ASB4: variants seen among roughly 807,000 people sequenced by gnomAD.
ASB4 encodes ankyrin repeat and SOCS box containing 4, also known as ankyrin repeat and SOCS box protein 4.
Under a neutral mutation model 38.6 loss-of-function variants are expected in ASB4, and 35 were observed. The observed-to-expected ratio is 0.91, with a 90% CI of 0.69 to 1.20. The LOEUF is 1.20. ASB4 is among the 50% of genes most tolerant of loss of function. The pLI is 0.00. For synonymous variants in ASB4, 195 were observed against 201.3 expected, an observed-to-expected ratio of 0.97 and a Z score of 0.26; for missense variants, 557 against 527.2, an observed-to-expected ratio of 1.06 and a Z score of -0.55.
intron 3 of ASB4, among the ~76,000 whole-genome samples, chr7:95,531,781 C>T (rs1161297034): frequency 1.3e-5 from 2 of 152,174 alleles, no homozygotes; most frequent in East Asian, 3.9e-4. Context: ...TTCTCCTCCT[C>T]TCAACATGTG....
At chr7:95,524,139 G>T (rs891552260) in intron 2 of ASB4, among the ~76,000 whole-genome samples, 2 of 152,196 alleles carry the variant, frequency 1.3e-5, no homozygotes, top group Non-Finnish European at 2.9e-5. Flanking sequence ...TAGATGTAGA[G>T]CCCAGAGAAA....
intron 1 of ASB4, among the ~76,000 whole-genome samples, chr7:95,492,334 AT>A (rs1267789647): frequency 6.6e-6 from 1 of 152,234 alleles, no homozygotes; most frequent in Non-Finnish European, 1.5e-5. Flanking sequence ...ATGCATTTCC[AT>A]ATCAGAGATG....
the ASB4 span, among the ~76,000 whole-genome samples, chr7:95,547,724 C>G: frequency 6.6e-6 from 1 of 152,164 alleles, no homozygotes; most frequent in African/African-American, 2.4e-5. Flanking sequence ...TTGAGTAAAG[C>G]AGATCACTCT....
intron 3 of ASB4, among the ~76,000 whole-genome samples, chr7:95,532,534 G>C (rs1790833353): frequency 6.6e-6 from 1 of 152,138 alleles, no homozygotes; most frequent in Non-Finnish European, 1.5e-5. Context: ...AGGTAAGGAT[G>C]ATTTCTGCCA....
chr7:95,537,696 G>T lies in ASB4; in HGVS notation c.1218G>T (p.Leu406Phe). The T allele has an allele frequency of 6.2e-7, 1 of 1,613,864 alleles. No homozygotes were observed. The change falls in exon 5 of 5, where the codon TTG (leucine) becomes TTT (phenylalanine). Residue 406 changes from leucine to phenylalanine, a missense_variant. Leu to Phe is a conservative substitution (Grantham distance 22). Coordinates refer to ENST00000325885, the MANE Select transcript of ASB4 (RefSeq NM_016116.3). ...LHNRCHRAIP[L>F]LSLPLSLKKY... ...ACAGATGCCATAGAGCAATTCCTTT[G>T]CTTTCCCTCCCATTGTCATTGAAAA...
At chr7:95,541,423 A>G (rs1002164163), downstream of ASB4, among the ~76,000 whole-genome samples, 1 of 152,120 alleles carries the variant, frequency 6.6e-6, no homozygotes, top group Non-Finnish European at 1.5e-5. Flanking sequence ...ATATCCTTAG[A>G]GTGAATCTGT....
rs965812379 is a variant in ASB4, at chr7:95,509,174, T to C, written c.487+13117T>C. Among the ~76,000 whole-genome samples the C allele has an allele frequency of 3.3e-5, 5 of 152,118 alleles. No individual in the cohort carries two copies. In the East Asian group the frequency reaches 9.6e-4, roughly 29 times the overall value. ...AAATCTTAAGAAACAGATGGGAAGA[T>C]AATTATATTCGGGAAGGAGATTAGG... On this transcript the variant is annotated intron_variant, in intron 2 of 4. Coordinates refer to ENST00000325885, the MANE Select transcript of ASB4 (RefSeq NM_016116.3).
Position 95,486,151 on chromosome 7 carries a change from T to G in ASB4, c.180T>G (p.Tyr60Ter), listed in dbSNP as rs1223552084. The G allele has an allele frequency of 7.4e-6, 12 of 1,612,862 alleles. No homozygotes were observed. The highest frequency in any genetic ancestry group is 1.0e-5 in the Non-Finnish European group (12 of 1,179,334). ...VEDENMVLAS[Y>*]KQGYWLPSYK... Reference sequence around the variant, plus strand: ...ATGAGAATATGGTTTTGGCATCTTATAAACAAGGTAAAAACATATAGGTGT... The same window carrying G: ...ATGAGAATATGGTTTTGGCATCTTAGAAACAAGGTAAAAACATATAGGTGT... Residue 60 changes from tyrosine to a stop codon, truncating the protein, a stop_gained, in exon 1 of 5, where the codon TAT becomes TAG. Coordinates refer to ENST00000325885, the MANE Select transcript of ASB4 (RefSeq NM_016116.3). LOFTEE classifies it high-confidence loss of function.
At position 95,491,416 on chromosome 7, in the gene ASB4, G is replaced by A. The variant is rs571529568; in HGVS notation, c.188-4342G>A. On this transcript the variant is annotated intron_variant, in intron 1 of 4. Transcript: ENST00000325885. Reference sequence around the variant, plus strand: ...CTAGCTCCCATGGGCTTGGTTCCCCGGTTCTCCCTCACCTCTGTCCTTTGT... The same window carrying A: ...CTAGCTCCCATGGGCTTGGTTCCCCAGTTCTCCCTCACCTCTGTCCTTTGT... 5.9e-5 allele frequency among the ~76,000 whole-genome samples: 9 copies of A among 152,238 alleles called. No homozygotes were observed. The East Asian group carries it at 1.4e-3, about 23-fold the overall frequency.
chr7:95,515,304 T>C (rs1447076236), intron 2 of ASB4, among the ~76,000 whole-genome samples: 60 of 125,718 alleles, frequency 4.8e-4, no homozygotes, highest in South Asian at 3.1e-3. Context: ...TTTCTTTCTT[T>C]CTTTCTTTCT....
At chr7:95,537,497 G>T (rs1790911919) in intron 4 of ASB4, 74 bp from the exon 5 acceptor site, 2 of 1,329,218 alleles carry the variant, frequency 1.5e-6, no homozygotes, top group South Asian at 3.0e-5. Context: ...GAGGTTAGTT[G>T]CAGCATTGCT....
intron 2 of ASB4, among the ~76,000 whole-genome samples, chr7:95,508,179 G>A (rs1329446723): frequency 6.6e-6 from 1 of 152,124 alleles, no homozygotes; most frequent in Non-Finnish European, 1.5e-5. Context: ...TTTGGTGTGA[G>A]GATTCTGAGA....
the ASB4 span, among the ~76,000 whole-genome samples, chr7:95,546,251 C>T: frequency 6.6e-6 from 1 of 152,146 alleles, no homozygotes; most frequent in African/African-American, 2.4e-5. Context: ...GTTAGACACA[C>T]ACATATCTAA....
chr7:95,492,326 G>A (rs1425788139), intron 1 of ASB4, among the ~76,000 whole-genome samples: 2 of 152,206 alleles, frequency 1.3e-5, no homozygotes, highest in African/African-American at 4.8e-5. Flanking sequence ...ACTAGCAAAT[G>A]CATTTCCATA....
At chr7:95,477,728 C>G (rs573866212), upstream of ASB4, among the ~76,000 whole-genome samples, 2 of 134,616 alleles carry the variant, frequency 1.5e-5, no homozygotes, top group South Asian at 4.8e-4. Flanking sequence ...ATACCCTTAA[C>G]AAGAACCTTT....
the ASB4 span, among the ~76,000 whole-genome samples, chr7:95,551,044 G>A: frequency 6.6e-6 from 1 of 152,156 alleles, no homozygotes; most frequent in African/African-American, 2.4e-5. Context: ...GCAATGGTGT[G>A]ATCTTGGCTC....
At chr7:95,499,885 T>C (rs1209525829) in intron 2 of ASB4, among the ~76,000 whole-genome samples, 1 of 144,300 alleles carries the variant, frequency 6.9e-6, no homozygotes, top group Non-Finnish European at 1.5e-5. Context: ...TTTTTTTTTT[T>C]TTTTTTGAGA....
chr7:95,482,744 C>T (rs965483350), upstream of ASB4, among the ~76,000 whole-genome samples: 1 of 152,020 alleles, frequency 6.6e-6, no homozygotes, highest in African/African-American at 2.4e-5. Flanking sequence ...CAACTGGACC[C>T]TTGTAGCTAG....
At chr7:95,494,731 T>C (rs546013608) in intron 1 of ASB4, among the ~76,000 whole-genome samples, 10 of 152,306 alleles carry the variant, frequency 6.6e-5, no homozygotes, top group Admixed American at 1.3e-4. Context: ...AAAGTCATCA[T>C]AGTTATAGCT....
Sources: gnomAD v4.1 joint callset for allele counts (sites outside exome capture counted in the v4.1 genomes callset) on GRCh38, gnomAD v4.1.1 for gene constraint, MANE v1.5 for transcripts, NCBI Gene and HGNC (gene_info 2026-07-23, HGNC 2026-07-21) for gene names.